Variants in AIDA observed in about 807,000 individuals in gnomAD.
The protein encoded by AIDA is axin interactor, dorsalization associated.
In AIDA, 18 loss-of-function variants were observed where a neutral mutation model predicts 42.7. The ratio of observed to expected loss-of-function variants is 0.42; its 90% CI spans 0.29 to 0.63. The LOEUF (loss-of-function observed/expected upper bound fraction) is 0.63. Among genes scored for constraint, AIDA ranks in the 20% least tolerant of loss-of-function variants. The pLI, the probability that AIDA is intolerant of heterozygous loss-of-function variation, is 0.19. For missense variants in AIDA, 250 were observed against 354.1 expected (o/e 0.71, Z 2.36); for synonymous variants, 104 against 122.9 (o/e 0.85, Z 1.02).
rs1437277428 is a variant in AIDA at position 222,676,198 on chromosome 1, G to T, written c.481C>A (p.Pro161Thr). 1 of 1,609,186 alleles carries T rather than the reference G, an allele frequency of 6.2e-7. No homozygotes were observed. The highest frequency in any genetic ancestry group is 1.1e-5 in the South Asian group (1 of 89,862). Residue 161 changes from proline (P) to threonine (T), a missense_variant, in exon 7 of 10, where the codon CCA (proline) becomes ACA (threonine). Physicochemically the swap from Pro to Thr is conservative, Grantham distance 38. Coordinates refer to ENST00000340020, the MANE Select transcript of AIDA (RefSeq NM_022831.4). ...RVPGTLLPRL[P>T]SEPGMTLLTI... is the part of the protein sequence containing the mutation. ...AGTAATGTCATTCCTGGTTCCGATG[G>T]CAACCTTGGTAATAAAGTACCTGGC...
chr1:222,670,551 C>T (rs1279239304), intron 8 of AIDA, among the ~76,000 whole-genome samples: 1 of 152,114 alleles, frequency 6.6e-6, no homozygotes, highest in African/African-American at 2.4e-5. Flanking sequence ...TCATAAGCTG[C>T]TATAAAATAT....
intron 7 of AIDA, among the ~76,000 whole-genome samples, chr1:222,673,844 G>A (rs1203882772): frequency 6.6e-6 from 1 of 152,004 alleles, no homozygotes. Context: ...AGAACTTTGG[G>A]AGGCTGAGGC....
chr1:222,689,481 G>GTATATATATATA (rs1183093082), intron 4 of AIDA, among the ~76,000 whole-genome samples: 9 of 35,356 alleles, frequency 2.5e-4, no homozygotes, highest in East Asian at 1.8e-3. Context: ...GTGTGTGTGT[G>GTATATATATATA]TATATATATA....
intron 4 of AIDA, among the ~76,000 whole-genome samples, chr1:222,692,508 T>C (rs2124960970): frequency 6.6e-6 from 1 of 152,358 alleles, no homozygotes; most frequent in African/African-American, 2.4e-5. Flanking sequence ...TCTGAAAGAT[T>C]ATTTTTTAAT....
At chr1:222,676,308 C>T in intron 6 of AIDA, 90 bp from the exon 7 acceptor site, 1 of 1,396,120 alleles carries the variant, frequency 7.2e-7, no homozygotes, top group South Asian at 1.7e-5. Flanking sequence ...TTGCTTGTAA[C>T]TGACTTAGTA....
At chr1:222,710,695 C>T (rs149912837) in intron 1 of AIDA, among the ~76,000 whole-genome samples, 100 of 152,334 alleles carry the variant, frequency 6.6e-4, no homozygotes, top group African/African-American at 2.4e-3. Flanking sequence ...ATCTTAAGCA[C>T]TCTGTAGTAG....
At chr1:222,689,604 C>T (rs369634986) in intron 4 of AIDA, among the ~76,000 whole-genome samples, 15 of 137,366 alleles carry the variant, frequency 1.1e-4, no homozygotes, top group South Asian at 4.8e-4. Context: ...CATATATATA[C>T]ACACACACAC....
rs1489843188 is a variant in AIDA, at chr1:222,694,242, T to A, written c.202A>T (p.Thr68Ser). 3 of 1,612,260 alleles carry A rather than the reference T, an allele frequency of 1.9e-6. No homozygotes were observed. In the African/African-American group the frequency reaches 4.0e-5, roughly 22 times the overall value. The change falls in exon 3 of 10, where the codon ACA becomes TCA. Residue 68 changes from threonine to serine, a missense_variant. Physicochemically the swap from Thr to Ser is moderately conservative, Grantham distance 58 (BLOSUM62 1). Around this residue, in one of 4 missense-constraint regions of AIDA, gnomAD observed 199 missense variants for 232.6 expected, o/e 0.86. Coordinates refer to ENST00000340020, the MANE Select transcript of AIDA (RefSeq NM_022831.4). ...EQKKTIGKIATCLELRSAALQ... is the reference protein window; with the variant it reads ...EQKKTIGKIASCLELRSAALQ... ...GCTGCACTTCGCAATTCCAAGCATG[T>A]TGCAATTTTGCCTATGGTTTTCTGC...
intron 2 of AIDA, among the ~76,000 whole-genome samples, chr1:222,697,319 G>A (rs1337654128): frequency 9.4e-6 from 1 of 106,122 alleles, no homozygotes; most frequent in East Asian, 2.6e-4. Context: ...CTATTTTAAG[G>A]AACCACACCC....
intron 1 of AIDA, chr1:222,711,980 C>T (rs1571948970): frequency 1.7e-6 from 1 of 576,236 alleles, no homozygotes; most frequent in Non-Finnish European, 3.0e-6. Context: ...ATGGAACTGT[C>T]CCTGCGGAGG....
chr1:222,684,868 T>C (rs1664714323), intron 6 of AIDA, among the ~76,000 whole-genome samples: 2 of 152,196 alleles, frequency 1.3e-5, no homozygotes, highest in South Asian at 2.1e-4. Context: ...GCTTCTTGTT[T>C]GCTACAGAAG....
intron 3 of AIDA, 52 bp downstream of exon 3, chr1:222,694,155 CAAT>C: frequency 6.8e-7 from 1 of 1,480,734 alleles, no homozygotes; most frequent in African/African-American, 1.4e-5. Context: ...TGTTTTATCA[CAAT>C]AATGCAGAAT....
At chr1:222,708,436 C>T (rs912500512) in intron 1 of AIDA, among the ~76,000 whole-genome samples, 4 of 151,668 alleles carry the variant, frequency 2.6e-5, no homozygotes, top group African/African-American at 9.7e-5. Flanking sequence ...GGCACGATCT[C>T]CCCTCACTGC....
intron 8 of AIDA, among the ~76,000 whole-genome samples, chr1:222,672,575 C>T (rs942436595): frequency 1.3e-5 from 2 of 152,152 alleles, no homozygotes; most frequent in East Asian, 1.9e-4. Context: ...TTCCAGGAAT[C>T]ATACTCTGAG....
intron 1 of AIDA, among the ~76,000 whole-genome samples, chr1:222,703,555 T>A (rs1655766269): frequency 6.6e-6 from 1 of 152,182 alleles, no homozygotes; most frequent in Admixed American, 6.5e-5. Context: ...GTTGTCCAGA[T>A]TCTGCTTAAA....
At chr1:222,680,153 G>C (rs958665941) in intron 6 of AIDA, among the ~76,000 whole-genome samples, 3 of 152,234 alleles carry the variant, frequency 2.0e-5, no homozygotes, top group African/African-American at 7.2e-5. Flanking sequence ...GTGATGGAAA[G>C]AGACTATGCA....
chr1:222,695,515 T>C (rs1310138896), intron 2 of AIDA, among the ~76,000 whole-genome samples: 1 of 151,786 alleles, frequency 6.6e-6, no homozygotes, highest in Non-Finnish European at 1.5e-5. Flanking sequence ...ACTATTGTGA[T>C]AAAAGTATAC....
chr1:222,683,000 C>T (rs967141898), intron 6 of AIDA, among the ~76,000 whole-genome samples: 1 of 152,166 alleles, frequency 6.6e-6, no homozygotes, highest in East Asian at 1.9e-4. Context: ...TATTAAAATA[C>T]ATATGCAATT....
rs1319724034 is a variant in AIDA, at chr1:222,669,477, G to C, written c.*416C>G. The C allele has an allele frequency of 5.6e-6, 1 of 179,824 alleles. No homozygotes were observed. Among genetic ancestry groups the C allele is most frequent in the East Asian group, 1.4e-4 (1 of 7,234 alleles). The allele number at this position is 179,824 out of a possible 1,614,324, so 11.1% of individuals were successfully genotyped here. A position where few individuals can be genotyped will look rare whatever the true frequency, so the allele number is the denominator to read the frequency against. ...TACCCACATCAACCCAAAGCTTGAC[G>C]TTAAGTCAAAAGAGCATATTGGAGC... On this transcript the variant is annotated 3_prime_UTR_variant, in exon 10 of 10. Transcript: ENST00000340020.
Sources: allele counts gnomAD v4.1 joint callset (sites outside exome capture counted in the v4.1 genomes callset), GRCh38; gene constraint gnomAD v4.1.1; regional missense constraint gnomAD v4.1.1; transcripts MANE v1.5; gene names NCBI Gene and HGNC (gene_info 2026-07-23, HGNC 2026-07-21).